Variants in TUSC3 observed in about 807,000 individuals in gnomAD.
The protein encoded by TUSC3 is tumor suppressor candidate 3.
A neutral mutation model predicts 44.8 loss-of-function variants in TUSC3; 45 were observed. The ratio of observed to expected loss-of-function variants is 1.00; its 90% CI spans 0.79 to 1.29. The LOEUF (loss-of-function observed/expected upper bound fraction) is 1.29, where lower values mean the gene tolerates loss of function less well. Ranked by LOEUF, TUSC3 falls within the 50% of genes most tolerant of loss-of-function variation. The pLI, the probability that TUSC3 is intolerant of heterozygous loss-of-function variation, is 0.00. For synonymous variants in TUSC3, 212 were observed against 152.9 expected (o/e 1.39, Z -2.85); for missense variants, 519 against 437.9 (o/e 1.19, Z -1.65).
intron 6 of TUSC3, among the ~76,000 whole-genome samples, chr8:15,728,707 A>G (rs1321305057): frequency 5.3e-5 from 8 of 152,186 alleles, no homozygotes; most frequent in African/African-American, 2.4e-5. Flanking sequence ...GTGAGAATCA[A>G]TATAGACATA....
chr8:15,798,613 A>G, the TUSC3 span, among the ~76,000 whole-genome samples: 1 of 149,698 alleles, frequency 6.7e-6, no homozygotes, highest in African/African-American at 2.5e-5. Flanking sequence ...AGGAACTGCA[A>G]ATTTGTTCAT....
the TUSC3 span, among the ~76,000 whole-genome samples, chr8:15,791,370 C>A: frequency 5.9e-5 from 9 of 152,072 alleles, no homozygotes; most frequent in Non-Finnish European, 1.2e-4. Context: ...AAGTAGTAAT[C>A]CTATCATGCA....
chr8:15,693,430 G>C (rs1423139924), intron 6 of TUSC3, among the ~76,000 whole-genome samples: 1 of 129,548 alleles, frequency 7.7e-6, no homozygotes, highest in Non-Finnish European at 1.7e-5. Context: ...TAAAACTCTT[G>C]GTTGGAAGTT....
At chr8:15,542,580 A>G (rs1448054120) in intron 1 of TUSC3, among the ~76,000 whole-genome samples, 3 of 152,114 alleles carry the variant, frequency 2.0e-5, no homozygotes, top group African/African-American at 7.2e-5. Context: ...GAAAAAAAAA[A>G]TCTAAAAAGT....
At chr8:15,764,063 G>A in intron 10 of TUSC3, 140 bp from the exon 11 acceptor site, 1 of 914,252 alleles carries the variant, frequency 1.1e-6, no homozygotes, top group South Asian at 1.7e-5. Context: ...TTGCCCTGAT[G>A]TAAAAATTAC....
At chr8:15,784,104 C>A in the TUSC3 span, among the ~76,000 whole-genome samples, 1 of 152,176 alleles carries the variant, frequency 6.6e-6, no homozygotes, top group East Asian at 1.9e-4. Context: ...AAATGCTCGA[C>A]AACACTAATA....
At chr8:15,581,515 T>G (rs1331811419) in intron 1 of TUSC3, among the ~76,000 whole-genome samples, 10 of 147,486 alleles carry the variant, frequency 6.8e-5, no homozygotes, top group South Asian at 4.3e-4. Context: ...GTCCTTTCTG[T>G]TTGTTAGTTT....
intron 1 of TUSC3, among the ~76,000 whole-genome samples, chr8:15,470,791 T>TC (rs1800481796): frequency 1.3e-5 from 2 of 152,084 alleles, no homozygotes; most frequent in Non-Finnish European, 2.9e-5. Context: ...TTCTGTCATG[T>TC]CCCAAAGATT....
At position 15,442,862 on chromosome 8, in the gene TUSC3, T is replaced by C. The variant is rs77982019; in HGVS notation, n.91+25557T>C. ...TGTATCCATGGTGCATGGAGCCCAG[T>C]TGTAGACAAGAATCTTCCCACCCTT... On this transcript the variant is annotated intron_variant and non_coding_transcript_variant, in intron 1 of 5. Transcript: ENST00000503191. Among the ~76,000 whole-genome samples the C allele has an allele frequency of 2.6e-3, 393 of 152,300 alleles. 2 individuals are homozygous for C. In the East Asian group the frequency reaches 0.042, roughly 16 times the overall value.
At chr8:15,659,451 A>G (rs1348376711) in intron 3 of TUSC3, 56 bp from the exon 4 acceptor site, 2 of 1,586,698 alleles carry the variant, frequency 1.3e-6, no homozygotes, top group East Asian at 2.3e-5. Flanking sequence ...AGTGTAAAAT[A>G]TTGGATTAAT....
chr8:15,757,206 A>C (rs1811962316), intron 9 of TUSC3, among the ~76,000 whole-genome samples: 1 of 152,130 alleles, frequency 6.6e-6, no homozygotes, highest in Non-Finnish European at 1.5e-5. Context: ...CAAGTGAAAA[A>C]CAGAATATAT....
rs75673439 is a variant in TUSC3 at position 15,736,234 on chromosome 8, A to G, written c.862+5505A>G. Among the ~76,000 whole-genome samples, 409 of 152,312 alleles carry G rather than the reference A, an allele frequency of 2.7e-3. 3 individuals carry two copies. In the East Asian group the frequency reaches 0.046, roughly 17 times the overall value. ...AGTCTAAAGGAAGAGGAAGACACAC[A>G]ACAAATGACAGTGCAAATAATTCTT... On this transcript the variant is annotated intron_variant, in intron 7 of 10. Transcript: ENST00000503731.
intron 1 of TUSC3, among the ~76,000 whole-genome samples, chr8:15,593,831 C>T (rs1563123666): frequency 6.6e-6 from 1 of 152,082 alleles, no homozygotes; most frequent in Non-Finnish European, 1.5e-5. Flanking sequence ...TTCATATTCT[C>T]TTCCTTGCAT....
At chr8:15,762,555 T>C (rs1450910921) in intron 10 of TUSC3, among the ~76,000 whole-genome samples, 1 of 152,112 alleles carries the variant, frequency 6.6e-6, no homozygotes, top group African/African-American at 2.4e-5. Flanking sequence ...ACAGGGGTAA[T>C]ATCGTTAGCA....
intron 2 of TUSC3, among the ~76,000 whole-genome samples, chr8:15,486,016 A>G (rs1231285175): frequency 6.6e-6 from 1 of 151,716 alleles, no homozygotes; most frequent in East Asian, 1.9e-4. Context: ...CTGGTCTCAA[A>G]CTCCTGACCT....
At chr8:15,645,927 G>T (rs1806605379) in intron 2 of TUSC3, among the ~76,000 whole-genome samples, 1 of 152,048 alleles carries the variant, frequency 6.6e-6, no homozygotes, top group Admixed American at 6.6e-5. Flanking sequence ...TTCTAATGTG[G>T]TAAACTTAGC....
downstream of TUSC3, among the ~76,000 whole-genome samples, chr8:15,768,578 G>A (rs985096569): frequency 2.0e-5 from 3 of 151,982 alleles, no homozygotes; most frequent in African/African-American, 4.8e-5. Flanking sequence ...AACAGAGAAT[G>A]ATTTATCATT....
chr8:15,513,859 TTACTTGCTCCCAAA>T (rs1314741742), intron 2 of TUSC3, among the ~76,000 whole-genome samples: 2 of 152,174 alleles, frequency 1.3e-5, no homozygotes. Flanking sequence ...AGTCTAACTT[TTACTTGCTCCCAAA>T]TTTTTCCACC....
At chr8:15,563,982 T>G (rs931536625) in intron 1 of TUSC3, among the ~76,000 whole-genome samples, 2 of 152,112 alleles carry the variant, frequency 1.3e-5, no homozygotes, top group Admixed American at 6.6e-5. Context: ...AACAATTGTT[T>G]GGTGGGACAT....
Sources: allele counts gnomAD v4.1 joint callset (sites outside exome capture counted in the v4.1 genomes callset), GRCh38; gene constraint gnomAD v4.1.1; transcripts MANE v1.5; gene names NCBI Gene and HGNC (gene_info 2026-07-23, HGNC 2026-07-21).